Variants in ABCC9 observed in about 807,000 individuals in gnomAD.
ABCC9 encodes the protein ATP binding cassette subfamily C member 9.
Under a neutral mutation model 188.3 loss-of-function variants are expected in ABCC9, and 95 were observed. The ratio of observed to expected loss-of-function variants is 0.50; its 90% CI spans 0.43 to 0.60. The LOEUF (loss-of-function observed/expected upper bound fraction) is 0.60. ABCC9 is among the 20% of genes least tolerant of loss of function. ABCC9 has a pLI of 0.00. For synonymous variants in ABCC9, 659 were observed against 652.7 expected (o/e 1.01, Z -0.15); for missense variants, 1,102 against 1,876.3 (o/e 0.59, Z 7.62).
Position 21,859,630 on chromosome 12 carries a change from A to T in ABCC9, c.2461T>A (p.Cys821Ser), listed in dbSNP as rs755251666. 1 of 1,613,826 alleles carries T rather than the reference A, an allele frequency of 6.2e-7. No individual in the cohort carries two copies. The highest frequency in any genetic ancestry group is 1.3e-5 in the African/African-American group (1 of 74,914). The change falls in exon 22 of 40, where the codon TGT becomes AGT. Residue 821 changes from cysteine (C) to serine (S), a missense_variant. Physicochemically the swap from Cys to Ser is moderately radical, Grantham distance 112. Around this residue, in one of 12 missense-constraint regions of ABCC9, gnomAD observed 31 missense variants for 78.8 expected, o/e 0.39. Coordinates refer to ENST00000261200, the MANE Select transcript of ABCC9 (RefSeq NM_020297.4). ...TTTTGATACAGCGCTCGTGCCACAC[A>T]GATTCTCTGCCTCTGTCCCCCACTC... is the stretch of plus-strand genomic sequence containing the variant. ...NLSGGQRQRI[C>S]VARALYQNTN... is the part of the protein sequence containing the mutation.
At chr12:21,864,007 C>T (rs181752269) in intron 19 of ABCC9, among the ~76,000 whole-genome samples, 5 of 152,056 alleles carry the variant, frequency 3.3e-5, no homozygotes, top group East Asian at 1.9e-4. Context: ...CTTTCCCCCC[C>T]ACCCCACTCA....
chr12:21,828,439 C>G (rs1479374054), intron 31 of ABCC9: 8 of 187,414 alleles, frequency 4.3e-5, no homozygotes, highest in Non-Finnish European at 7.9e-5. Flanking sequence ...GGAACTGGGA[C>G]TAAAATTAAC....
intron 31 of ABCC9, among the ~76,000 whole-genome samples, chr12:21,822,232 A>G (rs1943079175): frequency 6.6e-6 from 1 of 152,102 alleles, no homozygotes; most frequent in African/African-American, 2.4e-5. Context: ...CTTTTTAAAG[A>G]AAAAGTCATT....
At chr12:21,923,427 T>G (rs1374622089) in intron 5 of ABCC9, 1 of 156,624 alleles carries the variant, frequency 6.4e-6, no homozygotes, top group Non-Finnish European at 1.4e-5. Context: ...GCACAAAATA[T>G]TCCTACAACG....
intron 37 of ABCC9, among the ~76,000 whole-genome samples, chr12:21,808,778 C>CAAAAAAAAAAAAAAAAAAA: frequency 2.5e-5 from 2 of 80,508 alleles, no homozygotes; most frequent in Non-Finnish European, 4.9e-5. Flanking sequence ...GAACTTGTCT[C>CAAAAAAAAAAAAAAAAAAA]AAAAAAAAAA....
chr12:21,920,205 AT>A (rs1592237582), intron 5 of ABCC9, among the ~76,000 whole-genome samples: 1 of 152,040 alleles, frequency 6.6e-6, no homozygotes, highest in East Asian at 1.9e-4. Flanking sequence ...TCTTATGTCT[AT>A]TTGGCATTTT....
At chr12:21,806,888 T>G (rs1941887533) in intron 38 of ABCC9, among the ~76,000 whole-genome samples, 1 of 152,190 alleles carries the variant, frequency 6.6e-6, no homozygotes, top group Admixed American at 6.6e-5. Context: ...CATAAACACA[T>G]AGAGAAGACT....
intron 5 of ABCC9, among the ~76,000 whole-genome samples, chr12:21,922,755 T>TTC (rs1948879027): frequency 6.7e-6 from 1 of 148,526 alleles, no homozygotes; most frequent in South Asian, 2.1e-4. Flanking sequence ...TTTTTTCTTT[T>TTC]TTTTTTTTTT....
At chr12:21,814,743 C>CA in intron 34 of ABCC9, 21 bp from the exon 35 acceptor site, 2 of 1,607,876 alleles carry the variant, frequency 1.2e-6, no homozygotes, top group Non-Finnish European at 1.7e-6. Context: ...AGCTGTCACT[C>CA]AAAGAGAAGA....
rs374741839 is a variant in ABCC9, at chr12:21,914,201, G to A, written c.817-1135C>T. ...TAGAACAGCCAAAAACTCATTAGCT[G>A]TTTTACCATACTCTATTTCCTTCCA... On this transcript the variant is annotated intron_variant, in intron 7 of 39. Transcript: ENST00000261200. 2.6e-5 allele frequency among the ~76,000 whole-genome samples: 4 copies of A among 152,202 alleles called. No homozygotes were observed. In the East Asian group the frequency reaches 5.8e-4, roughly 22 times the overall value.
intron 19 of ABCC9, among the ~76,000 whole-genome samples, chr12:21,864,235 C>G (rs1299489289): frequency 6.6e-6 from 1 of 152,116 alleles, no homozygotes; most frequent in African/African-American, 2.4e-5. Context: ...GAGAGGAAAA[C>G]AGTTGACACA....
At chr12:21,920,358 C>T (rs1948761526) in intron 5 of ABCC9, among the ~76,000 whole-genome samples, 1 of 151,976 alleles carries the variant, frequency 6.6e-6, no homozygotes, top group Admixed American at 6.6e-5. Context: ...ACCTACAAAG[C>T]AATAACTAAA....
At chr12:21,813,923 C>T (rs1053503795) in intron 35 of ABCC9, among the ~76,000 whole-genome samples, 1 of 152,150 alleles carries the variant, frequency 6.6e-6, no homozygotes, top group Non-Finnish European at 1.5e-5. Context: ...AGTAAGCACT[C>T]CTTGTACTGT....
intron 8 of ABCC9, among the ~76,000 whole-genome samples, chr12:21,912,455 G>C (rs2137887330): frequency 6.6e-6 from 1 of 151,982 alleles, no homozygotes; most frequent in African/African-American, 2.4e-5. Flanking sequence ...TAAGAAAAGA[G>C]AAATGTACAA....
intron 35 of ABCC9, 107 bp downstream of exon 35, chr12:21,814,537 A>G: frequency 4.3e-6 from 4 of 926,448 alleles, no homozygotes; most frequent in Non-Finnish European, 7.0e-6. Flanking sequence ...GTAGAGCACA[A>G]AGTCCTTATA....
At chr12:21,838,303 A>G (rs1944207336) in intron 29 of ABCC9, 133 bp from the exon 30 acceptor site, 1 of 723,030 alleles carries the variant, frequency 1.4e-6, no homozygotes, top group African/African-American at 1.7e-5. Flanking sequence ...CTAGCACTCA[A>G]TTAACAAAAA....
chr12:21,924,008 G>C, intron 5 of ABCC9: 1 of 522,384 alleles, frequency 1.9e-6, no homozygotes, highest in Non-Finnish European at 3.4e-6. Flanking sequence ...TTACTTAAAA[G>C]TCTATACTGT....
At chr12:21,911,595 A>G (rs886857864) in intron 8 of ABCC9, among the ~76,000 whole-genome samples, 4 of 152,002 alleles carry the variant, frequency 2.6e-5, no homozygotes, top group African/African-American at 9.7e-5. Flanking sequence ...ACAATAGCAT[A>G]TGGTAACTTG....
chr12:21,803,656 C>CAAA (rs3061809), intron 39 of ABCC9, among the ~76,000 whole-genome samples: 3 of 84,576 alleles, frequency 3.5e-5, no homozygotes, highest in African/African-American at 1.4e-4. Flanking sequence ...ACTCTGTCTC[C>CAAA]AAAAAAAAAA....
Sources: allele counts gnomAD v4.1 joint callset (sites outside exome capture counted in the v4.1 genomes callset), GRCh38; gene constraint gnomAD v4.1.1; regional missense constraint gnomAD v4.1.1; transcripts MANE v1.5; gene names NCBI Gene and HGNC (gene_info 2026-07-23, HGNC 2026-07-21).